PYGM: variants seen among roughly 807,000 people sequenced by gnomAD.
The protein encoded by PYGM is glycogen phosphorylase, muscle form.
A neutral mutation model predicts 99.3 loss-of-function variants in PYGM; 81 were observed. The ratio of observed to expected loss-of-function variants is 0.82; its 90% confidence interval spans 0.68 to 0.98. The LOEUF is 0.98. Ranked by LOEUF, PYGM falls within the 50% of genes least tolerant of loss-of-function variation. The pLI is 0.00. For synonymous variants in PYGM, 436 were observed against 451.5 expected (o/e 0.97, Z 0.44); for missense variants, 1,030 against 1,158.1 (o/e 0.89, Z 1.61).
At position 64,753,566 on chromosome 11, in the gene PYGM, G is replaced by C. The variant is rs756953943; in HGVS notation, c.1356C>G (p.Ala452=). The C allele has an allele frequency of 4.0e-5, 64 of 1,602,934 alleles. No individual in the cohort carries two copies. Among genetic ancestry groups the C allele is most frequent in the Non-Finnish European group, 5.3e-5 (62 of 1,177,410 alleles). The part of the protein sequence containing the change: ...MAHLCIAGSH[A]VNGVARIHSE... ...AGTGGATGCGCGCCACGCCGTTGACGGCGTGCGACCCCGCGATGCACAGGT... is the reference window on the plus strand; with the variant it reads ...AGTGGATGCGCGCCACGCCGTTGACCGCGTGCGACCCCGCGATGCACAGGT... Residue 452 remains alanine (A), a synonymous_variant, in exon 11 of 20, where the codon GCC becomes GCG. Coordinates refer to ENST00000164139, the MANE Select transcript of PYGM (RefSeq NM_005609.4).
At position 64,757,858 on chromosome 11, in the gene PYGM, C is replaced by G; in HGVS notation, c.581G>C (p.Arg194Pro). 1.2e-6 allele frequency: 2 copies of G among 1,614,170 alleles called. No homozygotes were observed. Among genetic ancestry groups the G allele is most frequent in the Non-Finnish European group, 1.7e-6 (2 of 1,180,042 alleles). ...LRYGNPWEKA[R>P]PEFTLPVHFY... is the part of the protein sequence containing the mutation. ...GTGCACAGGTAGCGTGAACTCGGGC[C>G]GGGCCTTCTCCCAGGGGTTGCCGTA... Residue 194 changes from arginine to proline, a missense_variant, in exon 5 of 20, where the codon CGG becomes CCG. Physicochemically the swap from Arg to Pro is moderately radical, Grantham distance 103 (BLOSUM62 -2). Transcript: ENST00000164139.
intron 11 of PYGM, 140 bp downstream of exon 11, chr11:64,753,379 T>A: frequency 7.6e-7 from 1 of 1,311,716 alleles, no homozygotes; most frequent in Non-Finnish European, 1.1e-6. Flanking sequence ...GCTGCTGTGC[T>A]TGTAAGAATG....
intron 11 of PYGM, 97 bp from the exon 12 acceptor site, chr11:64,753,284 TG>T: frequency 7.7e-7 from 1 of 1,300,152 alleles, no homozygotes; most frequent in Non-Finnish European, 1.1e-6. Flanking sequence ...GAAAGGGGCC[TG>T]GGGCAGGGAA....
intron 5 of PYGM, 119 bp downstream of exon 5, chr11:64,757,659 TA>T: frequency 6.9e-7 from 1 of 1,449,560 alleles, no homozygotes; most frequent in Non-Finnish European, 9.5e-7. Context: ...GTAAGTCACT[TA>T]ACCTCTCTGA....
In PYGM at chr11:64,755,151, C is replaced by A. The variant is rs2058385636; in HGVS notation, c.855+122G>T. The A allele has an allele frequency of 3.4e-6, 4 of 1,193,502 alleles. No individual in the cohort carries two copies. In the Admixed American group the frequency reaches 7.3e-5, roughly 22 times the overall value. The allele number at this position is 1,193,502 out of a possible 1,614,324, so 73.9% of individuals were successfully genotyped here. A position where few individuals can be genotyped will look rare whatever the true frequency, so the allele number is the denominator to read the frequency against. On this transcript the variant is annotated intron_variant, in intron 7 of 19. Transcript: ENST00000164139. The surrounding 1 kb of genome is among the most constrained non-coding windows in gnomAD (Gnocchi z 4.1). Reference sequence around the variant, plus strand: ...AGACTTGAGGTGGGGGCACAGGATGCACAAGGCCAGCAATATGCCCTGGGT... The same window carrying A: ...AGACTTGAGGTGGGGGCACAGGATGAACAAGGCCAGCAATATGCCCTGGGT...
rs935327691 is a variant in PYGM, at chr11:64,758,632, C to G, written c.316G>C (p.Glu106Gln). 1.2e-6 allele frequency: 2 copies of G among 1,613,710 alleles called. No homozygotes were observed. The highest frequency in any genetic ancestry group is 2.7e-5 in the African/African-American group (2 of 74,916). The stretch of plus-strand genomic sequence containing the variant: ...TAGGTGGCCTCGTCACAGGCATTCT[C>G]TAAGGCCAGGTTCACCATGGTGTTC... ...LQNTMVNLAL[E>Q]NACDEATYQL... is the part of the protein sequence containing the mutation. Residue 106 changes from glutamate to glutamine, a missense_variant, in exon 2 of 20, where the codon GAG becomes CAG. Physicochemically the swap from Glu to Gln is conservative, Grantham distance 29. Transcript: ENST00000164139.
Position 64,750,409 on chromosome 11 carries a change from C to T in PYGM, c.2144G>A (p.Arg715Gln), listed in dbSNP as rs756722295. ...GEENFFIFGM[R>Q]VEDVDKLDQR... ...GTCAAGCTTATCCACATCCTCCACC[C>T]GCATGCCAAAGATGAAGAAGTTTTC... Residue 715 changes from arginine to glutamine, a missense_variant, in exon 17 of 20, where the codon CGG becomes CAG. Arg to Gln is a conservative substitution (Grantham distance 43, BLOSUM62 1). Transcript: ENST00000164139. 1.9e-6 allele frequency: 3 copies of T among 1,614,024 alleles called. No homozygotes were observed. Among genetic ancestry groups the T allele is most frequent in the African/African-American group, 1.3e-5 (1 of 74,900 alleles).
In PYGM at chr11:64,751,608, T is replaced by C. The variant is rs2058356852; in HGVS notation, c.1816A>G (p.Ile606Val). 2 of 1,613,818 alleles carry C rather than the reference T, an allele frequency of 1.2e-6. No homozygotes were observed. Among genetic ancestry groups the C allele is most frequent in the African/African-American group, 1.3e-5 (1 of 74,892 alleles). ...GCCTGGCTTCTCACCTTCCCTCCAA[T>C]CATCACAGTCCGAGGCACAAAAAAC... ...NKFFVPRTVMIGGKAAPGYHM... is the reference protein window; with the variant it reads ...NKFFVPRTVMVGGKAAPGYHM... The change falls in exon 15 of 20, where the codon ATT becomes GTT. Residue 606 changes from isoleucine (I) to valine (V), a missense_variant. By Grantham distance (29) the Ile-to-Val change is conservative (BLOSUM62 3). Coordinates refer to ENST00000164139, the MANE Select transcript of PYGM (RefSeq NM_005609.4).
intron 4 of PYGM, 24 bp from the exon 5 acceptor site, chr11:64,757,934 G>A: frequency 6.2e-7 from 1 of 1,613,498 alleles, no homozygotes; most frequent in East Asian, 2.2e-5. Context: ...AGGTCAGGGA[G>A]AAAGGCCAGC....
intron 16 of PYGM, among the ~76,000 whole-genome samples, chr11:64,750,952 C>T (rs1051781881): frequency 6.6e-6 from 1 of 152,184 alleles, no homozygotes; most frequent in Non-Finnish European, 1.5e-5. Flanking sequence ...AGTGCAATGG[C>T]GTGATCTCGG....
At position 64,759,715 on chromosome 11, in the gene PYGM, C is replaced by G; in HGVS notation, c.184G>C (p.Asp62His). The G allele has an allele frequency of 6.2e-7, 1 of 1,614,192 alleles. No individual in the cohort carries two copies. Among genetic ancestry groups the G allele is most frequent in the Middle Eastern group, 1.6e-4 (1 of 6,062 alleles). The change falls in exon 1 of 20, where the codon GAC becomes CAC. Residue 62 changes from aspartate (D) to histidine (H), a missense_variant. Coordinates refer to ENST00000164139, the MANE Select transcript of PYGM (RefSeq NM_005609.4). ...YYFALAHTVR[D>H]HLVGRWIRTQ... is the part of the protein sequence containing the mutation. ...CGGATCCAGCGCCCCACGAGGTGGT[C>G]GCGCACGGTATGGGCCAGAGCAAAG...
At position 64,755,208 on chromosome 11, in the gene PYGM, A is replaced by C; in HGVS notation, c.855+65T>G. 1 of 1,536,938 alleles carries C rather than the reference A, an allele frequency of 6.5e-7. No individual in the cohort carries two copies. On this transcript the variant is annotated intron_variant, in intron 7 of 19. Transcript: ENST00000164139. This position sits in a 1 kb window ranked among gnomAD's most constrained non-coding sequence, Gnocchi z 4.1. Reference sequence around the variant, plus strand: ...AGGGCACCAGCAAGTGTCCTTCCCCAGCTCTCCCTGACCCCTGCTGCCAAG... The same window carrying C: ...AGGGCACCAGCAAGTGTCCTTCCCCCGCTCTCCCTGACCCCTGCTGCCAAG...
At position 64,758,654 on chromosome 11, in the gene PYGM, G is replaced by A; in HGVS notation, c.294C>T (p.Asn98=). The change falls in exon 2 of 20, where the codon AAC becomes AAT. Residue 98 remains asparagine, a synonymous_variant. Coordinates refer to ENST00000164139, the MANE Select transcript of PYGM (RefSeq NM_005609.4). ...LEFYMGRTLQ[N]TMVNLALENA... ...TCTCTAAGGCCAGGTTCACCATGGT[G>A]TTCTGTAGCGTCCGTCCCATATAGA... is the stretch of plus-strand genomic sequence containing the variant. The A allele has an allele frequency of 6.2e-7, 1 of 1,613,574 alleles. No homozygotes were observed. The highest frequency in any genetic ancestry group is 8.5e-7 in the Non-Finnish European group (1 of 1,179,518).
Position 64,754,505 on chromosome 11 carries a change from G to C in PYGM, c.1000-160C>G. 1 of 848,310 alleles carries C rather than the reference G, an allele frequency of 1.2e-6. No homozygotes were observed. The highest frequency in any genetic ancestry group is 1.8e-6 in the Non-Finnish European group (1 of 551,254). The allele number at this position is 848,310 out of a possible 1,614,324, so 52.5% of individuals were successfully genotyped here. A position where few individuals can be genotyped will look rare whatever the true frequency, so the allele number is the denominator to read the frequency against. ...CTCATGGGGGTGGGAGGAATGGGGG[G>C]AGTGGGGCGGGAGGAGGAGGGAAGC... is the stretch of plus-strand genomic sequence containing the variant. On this transcript the variant is annotated intron_variant, in intron 8 of 19. Transcript: ENST00000164139. The surrounding 1 kb of genome is among the most constrained non-coding windows in gnomAD (Gnocchi z 5.5).
rs1056780 is a variant in PYGM, at chr11:64,753,557, G to C, written c.1365C>G (p.Gly455=). The C allele has an allele frequency of 2.5e-6, 4 of 1,600,554 alleles. No homozygotes were observed. Among genetic ancestry groups the C allele is most frequent in the Non-Finnish European group, 3.4e-6 (4 of 1,176,548 alleles). The stretch of plus-strand genomic sequence containing the variant: ...GGATCTCGGAGTGGATGCGCGCCAC[G>C]CCGTTGACGGCGTGCGACCCCGCGA... The part of the protein sequence containing the change: ...LCIAGSHAVN[G]VARIHSEILK... Residue 455 remains glycine (G), a synonymous_variant, in exon 11 of 20, where the codon GGC becomes GGG. Transcript: ENST00000164139.
chr11:64,755,228 G>T lies in PYGM; in HGVS notation c.855+45C>A. 1 of 1,582,480 alleles carries T rather than the reference G, an allele frequency of 6.3e-7. No homozygotes were observed. Among genetic ancestry groups the T allele is most frequent in the Non-Finnish European group, 8.7e-7 (1 of 1,151,758 alleles). On this transcript the variant is annotated intron_variant, in intron 7 of 19. Coordinates refer to ENST00000164139, the MANE Select transcript of PYGM (RefSeq NM_005609.4). This position sits in a 1 kb window ranked among gnomAD's most constrained non-coding sequence, Gnocchi z 4.1. The stretch of plus-strand genomic sequence containing the variant: ...TCCCCAGCTCTCCCTGACCCCTGCT[G>T]CCAAGGACTCAGGCTTCCAGCCCCC...
At chr11:64,750,161 T>C (rs749902005) in intron 17 of PYGM, among the ~76,000 whole-genome samples, 11 of 152,164 alleles carry the variant, frequency 7.2e-5, no homozygotes, top group Non-Finnish European at 1.2e-4. Context: ...AATATTCTCT[T>C]CCTTTTCCTT....
rs2058347344 is a variant in PYGM, at chr11:64,750,443, C to G, written c.2110G>C (p.Ala704Pro). The G allele has an allele frequency of 6.2e-7, 1 of 1,614,034 alleles. No homozygotes were observed. Among genetic ancestry groups the G allele is most frequent in the Non-Finnish European group, 8.5e-7 (1 of 1,179,996 alleles). ...DGANVEMAEE[A>P]GEENFFIFGM... is the part of the protein sequence containing the mutation. ...AAGATGAAGAAGTTTTCCTCTCCCG[C>G]CTCTTCTGCCATCTCCACATTGGCC... Residue 704 changes from alanine to proline, a missense_variant, in exon 17 of 20, where the codon GCG becomes CCG. By Grantham distance (27) the Ala-to-Pro change is conservative. Transcript: ENST00000164139.
At chr11:64,753,271 G>A in intron 11 of PYGM, 84 bp from the exon 12 acceptor site, 1 of 1,339,592 alleles carries the variant, frequency 7.5e-7, no homozygotes, top group Non-Finnish European at 1.1e-6. Context: ...CTGGTGTCTT[G>A]CTGAAAGGGG....
Sources: allele counts gnomAD v4.1 joint callset (sites outside exome capture counted in the v4.1 genomes callset), GRCh38; gene constraint gnomAD v4.1.1; non-coding constraint Gnocchi (gnomAD v3.1); transcripts MANE v1.5; gene names NCBI Gene and HGNC (gene_info 2026-07-23, HGNC 2026-07-21).